Variants in SCN9A observed in about 807,000 individuals in gnomAD.
The protein encoded by SCN9A is sodium channel protein type 9 subunit alpha.
In SCN9A, 131 loss-of-function variants were observed where a neutral mutation model predicts 187.0. That is an observed-to-expected ratio of 0.70 (90% CI 0.61 to 0.81). The LOEUF (loss-of-function observed/expected upper bound fraction) is 0.81, where lower values mean the gene tolerates loss of function less well. Ranked by LOEUF, SCN9A falls within the 30% of genes least tolerant of loss-of-function variation. The pLI, the probability that SCN9A is intolerant of heterozygous loss-of-function variation, is 0.00. For missense variants in SCN9A, 2,252 were observed against 2,396.6 expected (o/e 0.94, Z 1.26); for synonymous variants, 809 against 808.6 (o/e 1.00, Z -0.01).
At chr2:166,336,159 C>A (rs1317366187) in intron 1 of SCN9A, among the ~76,000 whole-genome samples, 1 of 152,120 alleles carries the variant, frequency 6.6e-6, no homozygotes, top group Admixed American at 6.6e-5. Context: ...TTTTGGTGTT[C>A]CCTTAGCCAA....
At chr2:166,369,421 G>A (rs1700496978) in intron 1 of SCN9A, among the ~76,000 whole-genome samples, 1 of 152,146 alleles carries the variant, frequency 6.6e-6, no homozygotes, top group African/African-American at 2.4e-5. Flanking sequence ...CTGCCTAGCT[G>A]TTCTACAAGT....
chr2:166,304,800 A>G (rs1405403608), intron 5 of SCN9A, among the ~76,000 whole-genome samples: 1 of 152,034 alleles, frequency 6.6e-6, no homozygotes, highest in Non-Finnish European at 1.5e-5. Flanking sequence ...ATGAGTACAG[A>G]GTTTCTATTT....
chr2:166,287,427 C>T (rs553837443), intron 10 of SCN9A, among the ~76,000 whole-genome samples: 1 of 151,982 alleles, frequency 6.6e-6, no homozygotes, highest in African/African-American at 2.4e-5. Flanking sequence ...CAAAATAATA[C>T]TTTAAGATAT....
intron 24 of SCN9A, among the ~76,000 whole-genome samples, chr2:166,215,726 C>T (rs1033432622): frequency 4.0e-5 from 5 of 124,956 alleles, no homozygotes; most frequent in African/African-American, 1.5e-4. Context: ...TACATCTGAA[C>T]AAACCAATAC....
At chr2:166,266,777 T>A (rs963528501) in intron 17 of SCN9A, among the ~76,000 whole-genome samples, 2 of 151,902 alleles carry the variant, frequency 1.3e-5, no homozygotes, top group African/African-American at 4.8e-5. Flanking sequence ...ATATTTCACC[T>A]CCTTGTTTAA....
At chr2:166,212,211 T>G (rs1694127724) in intron 24 of SCN9A, among the ~76,000 whole-genome samples, 1 of 152,176 alleles carries the variant, frequency 6.6e-6, no homozygotes. Flanking sequence ...CAGTCAGTCT[T>G]GCAGGACCTG....
intron 17 of SCN9A, among the ~76,000 whole-genome samples, chr2:166,256,463 A>G (rs1240161626): frequency 6.6e-6 from 1 of 151,454 alleles, no homozygotes; most frequent in Admixed American, 6.6e-5. Flanking sequence ...TCCAGATATT[A>G]TTGATCAGTG....
intron 1 of SCN9A, among the ~76,000 whole-genome samples, chr2:166,343,732 G>A (rs1699838579): frequency 6.6e-6 from 1 of 152,068 alleles, no homozygotes; most frequent in East Asian, 1.9e-4. Context: ...TGGGGATGGA[G>A]GTTGCAGTGA....
At chr2:166,363,986 T>C (rs1475047036) in intron 1 of SCN9A, among the ~76,000 whole-genome samples, 2 of 151,732 alleles carry the variant, frequency 1.3e-5, no homozygotes, top group Non-Finnish European at 2.9e-5. Flanking sequence ...AAATTCCTAC[T>C]CCTCAACAAA....
intron 7 of SCN9A, among the ~76,000 whole-genome samples, chr2:166,300,101 CTACCCTT>C (rs1364295825): frequency 1.3e-5 from 2 of 150,898 alleles, no homozygotes; most frequent in Non-Finnish European, 2.9e-5. Flanking sequence ...CATCTACCAT[CTACCCTT>C]GCTCAATCAG....
intron 7 of SCN9A, among the ~76,000 whole-genome samples, chr2:166,297,369 T>C (rs908634563): frequency 6.6e-6 from 1 of 151,970 alleles, no homozygotes; most frequent in Non-Finnish European, 1.5e-5. Context: ...CAAATGTCCA[T>C]CAACTGATGA....
intron 1 of SCN9A, among the ~76,000 whole-genome samples, chr2:166,351,199 T>C (rs1700025521): frequency 6.6e-6 from 1 of 152,002 alleles, no homozygotes. Context: ...AGAAGAATAA[T>C]ACAAAACAAA....
intron 18 of SCN9A, among the ~76,000 whole-genome samples, chr2:166,243,357 T>C (rs1352632160): frequency 1.3e-5 from 2 of 152,072 alleles, no homozygotes; most frequent in Non-Finnish European, 2.9e-5. Context: ...CATGATTTCC[T>C]TTCCTCAGTG....
Position 166,242,769 on chromosome 2 carries a change from A to G in SCN9A, c.3473-113T>C, listed in dbSNP as rs561698151. 48 of 664,316 alleles carry G rather than the reference A, an allele frequency of 7.2e-5. 1 individual carries two copies. The South Asian group carries it at 9.9e-4, about 14-fold the overall frequency. The allele number at this position is 664,316 out of a possible 1,614,324, so 41.2% of individuals were successfully genotyped here. ...ATACTCCCTCAACCAAATAATTTCAACACCTATACTTGCAATTTCAGATAG... is the reference window on the plus strand; with the variant it reads ...ATACTCCCTCAACCAAATAATTTCAGCACCTATACTTGCAATTTCAGATAG... On this transcript the variant is annotated intron_variant, in intron 18 of 26. Coordinates refer to ENST00000642356, the MANE Select transcript of SCN9A (RefSeq NM_001365536.1).
At chr2:166,316,752 G>T (rs544911099) in intron 1 of SCN9A, among the ~76,000 whole-genome samples, 107 of 152,272 alleles carry the variant, frequency 7.0e-4, no homozygotes, top group Non-Finnish European at 1.4e-3. Context: ...TCTATCAAAA[G>T]CCTTAAACAC....
chr2:166,363,107 A>G (rs1481361527), intron 1 of SCN9A, among the ~76,000 whole-genome samples: 1 of 152,036 alleles, frequency 6.6e-6, no homozygotes, highest in Non-Finnish European at 1.5e-5. Flanking sequence ...AGTTTTCGGT[A>G]ACAAACTCTT....
intron 16 of SCN9A, among the ~76,000 whole-genome samples, chr2:166,274,818 A>C (rs1026715904): frequency 6.6e-6 from 1 of 152,190 alleles, no homozygotes; most frequent in Admixed American, 6.6e-5. Context: ...ACCAGTGTCC[A>C]TGATCAAATA....
intron 17 of SCN9A, among the ~76,000 whole-genome samples, chr2:166,271,372 A>G (rs535108822): frequency 6.6e-6 from 1 of 152,250 alleles, no homozygotes; most frequent in East Asian, 1.9e-4. Context: ...TAGATGATAA[A>G]TACAAGGGTG....
At chr2:166,324,424 A>G (rs954503589) in intron 1 of SCN9A, among the ~76,000 whole-genome samples, 4 of 152,188 alleles carry the variant, frequency 2.6e-5, no homozygotes, top group African/African-American at 9.6e-5. Context: ...AATAAAAAAT[A>G]CATTTTTATT....
Sources: allele counts gnomAD v4.1 joint callset (sites outside exome capture counted in the v4.1 genomes callset), GRCh38; gene constraint gnomAD v4.1.1; transcripts MANE v1.5; gene names NCBI Gene and HGNC (gene_info 2026-07-23, HGNC 2026-07-21).